RSRC1: variants seen among roughly 807,000 people sequenced by gnomAD.
RSRC1 encodes arginine and serine rich coiled-coil 1, also known as serine/Arginine-related protein 53.
Under a neutral mutation model 49.1 loss-of-function variants are expected in RSRC1, and 39 were observed. The observed-to-expected ratio is 0.79, with a 90% CI of 0.61 to 1.04. RSRC1 has a LOEUF of 1.04. Ranked by LOEUF, RSRC1 falls within the 50% of genes least tolerant of loss-of-function variation. The pLI is 0.00. For synonymous variants in RSRC1, 143 were observed against 130.8 expected (o/e 1.09, Z -0.63); for missense variants, 388 against 402.4 (o/e 0.96, Z 0.31).
intron 3 of RSRC1, among the ~76,000 whole-genome samples, chr3:158,189,985 G>A (rs529180909): frequency 1.2e-4 from 18 of 148,674 alleles, no homozygotes; most frequent in African/African-American, 4.0e-4. Context: ...TTTTTTTCCC[G>A]TAGCTTTGAT....
chr3:158,192,042 T>G (rs1035820913), intron 3 of RSRC1, among the ~76,000 whole-genome samples: 1 of 152,102 alleles, frequency 6.6e-6, no homozygotes. Flanking sequence ...TTTCCTCTCT[T>G]TGTTTTTGCA....
At chr3:158,366,576 A>G (rs977803920) in intron 6 of RSRC1, among the ~76,000 whole-genome samples, 1 of 152,188 alleles carries the variant, frequency 6.6e-6, no homozygotes, top group African/African-American at 2.4e-5. Flanking sequence ...GAAGTCAGGT[A>G]GCATGATACC....
At chr3:158,144,477 C>T (rs570337903) in intron 3 of RSRC1, among the ~76,000 whole-genome samples, 5,741 of 152,148 alleles carry the variant, frequency 0.038, 371 homozygotes, top group African/African-American at 0.13. Flanking sequence ...TCATTTTTTA[C>T]GGCTGCATAG....
chr3:158,522,694 A>G (rs1711757537), intron 7 of RSRC1, among the ~76,000 whole-genome samples: 1 of 152,126 alleles, frequency 6.6e-6, no homozygotes, highest in South Asian at 2.1e-4. Flanking sequence ...AGTGCAGATT[A>G]TTCATCCATT....
intron 6 of RSRC1, among the ~76,000 whole-genome samples, chr3:158,381,798 G>C (rs1263130279): frequency 6.6e-6 from 1 of 152,110 alleles, no homozygotes; most frequent in Non-Finnish European, 1.5e-5. Flanking sequence ...TAATGCACTT[G>C]ATAGGGCACT....
chr3:158,343,922 A>AT (rs1730398356), intron 5 of RSRC1, among the ~76,000 whole-genome samples: 1 of 152,298 alleles, frequency 6.6e-6, no homozygotes, highest in South Asian at 2.1e-4. Context: ...AATTTTCCAA[A>AT]TTTGATAAAA....
chr3:158,258,208 CTTTTTTTTT>C (rs71144451), intron 4 of RSRC1, among the ~76,000 whole-genome samples: 1 of 65,766 alleles, frequency 1.5e-5, no homozygotes, highest in African/African-American at 5.8e-5. Flanking sequence ...TCCTTTTAAC[CTTTTTTTTT>C]TTTTTTTTTT....
At chr3:158,442,819 TAA>T (rs1238479527) in intron 6 of RSRC1, among the ~76,000 whole-genome samples, 6 of 152,066 alleles carry the variant, frequency 3.9e-5, no homozygotes, top group Non-Finnish European at 7.4e-5. Flanking sequence ...ATGTATTTCT[TAA>T]ACAGTAAGAC....
chr3:158,344,562 C>G (rs1730442352), intron 5 of RSRC1, among the ~76,000 whole-genome samples: 1 of 152,064 alleles, frequency 6.6e-6, no homozygotes. Flanking sequence ...AAAAGACATA[C>G]AAAAACTGAA....
rs372952335 is a variant in RSRC1, at chr3:158,542,534, C to T, written c.760-801C>T. Among the ~76,000 whole-genome samples, 45 of 151,824 alleles carry T rather than the reference C, an allele frequency of 3.0e-4. No homozygotes were observed. The East Asian group carries it at 6.4e-3, about 22-fold the overall frequency. ...TGGGTGACAGAGTAAGACTCTGTCTCAAAAGAAAAAATTATGCTAAATGAA... is the reference window on the plus strand; with the variant it reads ...TGGGTGACAGAGTAAGACTCTGTCTTAAAAGAAAAAATTATGCTAAATGAA... On this transcript the variant is annotated intron_variant, in intron 8 of 9. Transcript: ENST00000611884.
chr3:158,491,832 T>C (rs1053711669), intron 7 of RSRC1, among the ~76,000 whole-genome samples: 1 of 152,200 alleles, frequency 6.6e-6, no homozygotes, highest in Non-Finnish European at 1.5e-5. Context: ...TGGAATGTCA[T>C]TTATCCAGAG....
intron 1 of RSRC1, among the ~76,000 whole-genome samples, chr3:158,114,734 T>A (rs1714676965): frequency 6.6e-6 from 1 of 152,126 alleles, no homozygotes; most frequent in African/African-American, 2.4e-5. Flanking sequence ...TTAGCTGTAT[T>A]CCTAGGTATT....
At chr3:158,393,542 G>A (rs972406005) in intron 6 of RSRC1, among the ~76,000 whole-genome samples, 21 of 151,482 alleles carry the variant, frequency 1.4e-4, no homozygotes, top group African/African-American at 4.8e-4. Context: ...ACACCTCTCT[G>A]CACACAAACT....
intron 4 of RSRC1, among the ~76,000 whole-genome samples, chr3:158,232,626 C>A (rs988711409): frequency 2.0e-5 from 3 of 152,126 alleles, no homozygotes; most frequent in African/African-American, 7.2e-5. Flanking sequence ...TATTATAACA[C>A]CTGCTCAATA....
intron 4 of RSRC1, among the ~76,000 whole-genome samples, chr3:158,272,481 A>T (rs1262310471): frequency 6.6e-6 from 1 of 152,126 alleles, no homozygotes; most frequent in African/African-American, 2.4e-5. Flanking sequence ...CAAATAAAAA[A>T]CAAAAGATTA....
At chr3:158,275,000 G>A (rs1725727883) in intron 4 of RSRC1, among the ~76,000 whole-genome samples, 1 of 152,132 alleles carries the variant, frequency 6.6e-6, no homozygotes, top group South Asian at 2.1e-4. Context: ...GTTTCATAAT[G>A]ATCACAAATT....
chr3:158,525,738 C>A (rs1347238135), intron 7 of RSRC1, among the ~76,000 whole-genome samples: 3 of 151,708 alleles, frequency 2.0e-5, no homozygotes, highest in Non-Finnish European at 2.9e-5. Context: ...ACAGATGTAC[C>A]CAACAACATG....
At chr3:158,306,563 GA>G (rs1185950191) in intron 5 of RSRC1, among the ~76,000 whole-genome samples, 1 of 151,828 alleles carries the variant, frequency 6.6e-6, no homozygotes, top group East Asian at 1.9e-4. Flanking sequence ...ATAGGCTTAT[GA>G]TAAATTTATT....
At chr3:158,247,267 A>G (rs780151510) in intron 4 of RSRC1, among the ~76,000 whole-genome samples, 1 of 152,006 alleles carries the variant, frequency 6.6e-6, no homozygotes, top group Non-Finnish European at 1.5e-5. Context: ...CAGCTCCTGT[A>G]TTGTTTTATT....
Sources: allele counts gnomAD v4.1 joint callset (sites outside exome capture counted in the v4.1 genomes callset), GRCh38; gene constraint gnomAD v4.1.1; transcripts MANE v1.5; gene names NCBI Gene and HGNC (gene_info 2026-07-23, HGNC 2026-07-21).